Variants in KCNIP4 observed in about 807,000 individuals in gnomAD.
KCNIP4 encodes the protein potassium voltage-gated channel interacting protein 4.
In KCNIP4, 12 loss-of-function variants were observed where a neutral mutation model predicts 34.0. That is an observed-to-expected ratio of 0.35 (90% confidence interval 0.23 to 0.57). KCNIP4 has a LOEUF of 0.57. Among genes scored for constraint, KCNIP4 ranks in the 20% least tolerant of loss-of-function variants. KCNIP4 has a pLI of 0.83. For synonymous variants in KCNIP4, 124 were observed against 102.2 expected (o/e 1.21, Z -1.29); for missense variants, 238 against 311.7 (o/e 0.76, Z 1.78).
intron 1 of KCNIP4, among the ~76,000 whole-genome samples, chr4:20,951,909 G>T (rs1042136774): frequency 1.3e-5 from 2 of 152,152 alleles, no homozygotes; most frequent in Non-Finnish European, 2.9e-5. Context: ...TCTTGTTTTA[G>T]ATATAAAGTA....
chr4:21,146,322 C>T (rs1440818571), intron 1 of KCNIP4, among the ~76,000 whole-genome samples: 1 of 151,948 alleles, frequency 6.6e-6, no homozygotes, highest in Non-Finnish European at 1.5e-5. Flanking sequence ...GGGGTGAACC[C>T]GGGAGGCGGA....
intron 1 of KCNIP4, among the ~76,000 whole-genome samples, chr4:21,635,631 A>C (rs1443567103): frequency 6.6e-6 from 1 of 152,118 alleles, no homozygotes; most frequent in East Asian, 1.9e-4. Context: ...TTAAAAAGTC[A>C]GGAAACAACA....
At chr4:21,059,257 T>C (rs956222349) in intron 1 of KCNIP4, among the ~76,000 whole-genome samples, 1 of 152,172 alleles carries the variant, frequency 6.6e-6, no homozygotes, top group African/African-American at 2.4e-5. Flanking sequence ...TCCGACTTTT[T>C]CCTCTGAGCA....
At chr4:21,703,057 T>G (rs1712985357) in intron 1 of KCNIP4, among the ~76,000 whole-genome samples, 1 of 151,960 alleles carries the variant, frequency 6.6e-6, no homozygotes. Flanking sequence ...CAACACTGAT[T>G]CATGATTAAA....
At chr4:20,871,623 C>T (rs1218677379) in intron 2 of KCNIP4, among the ~76,000 whole-genome samples, 2 of 152,044 alleles carry the variant, frequency 1.3e-5, no homozygotes, top group Non-Finnish European at 2.9e-5. Flanking sequence ...TGGTGGTATT[C>T]ACCAACAAGA....
chr4:21,450,549 T>A (rs962423111), intron 1 of KCNIP4, among the ~76,000 whole-genome samples: 2 of 151,980 alleles, frequency 1.3e-5, no homozygotes, highest in Non-Finnish European at 2.9e-5. Flanking sequence ...TGAAAAAAGA[T>A]GACGAAGTAA....
At chr4:21,365,522 T>A (rs377226666) in intron 1 of KCNIP4, among the ~76,000 whole-genome samples, 1 of 113,436 alleles carries the variant, frequency 8.8e-6, no homozygotes, top group Non-Finnish European at 1.8e-5. Flanking sequence ...AATAAATAAA[T>A]AAAAAATAAA....
At position 21,768,124 on chromosome 4, in the gene KCNIP4, A is replaced by G. The variant is rs145342261; in HGVS notation, c.61+180447T>C. On this transcript the variant is annotated intron_variant, in intron 1 of 8. Coordinates refer to ENST00000382152, the MANE Select transcript of KCNIP4 (RefSeq NM_025221.6). The stretch of plus-strand genomic sequence containing the variant: ...TAAACCGCCAAGCAAGAGCTTCTAA[A>G]TTTATGATTTGTGATTAAAACAAAT... Among the ~76,000 whole-genome samples, 196 of 152,260 alleles carry G rather than the reference A, an allele frequency of 1.3e-3. 1 individual carries two copies. Among genetic ancestry groups the G allele is most frequent in the African/African-American group, 4.5e-3 (185 of 41,562 alleles).
rs201520268 is a variant in KCNIP4, at chr4:20,731,254, G to GAGAT, written c.705+748_705+751dup. The GAGAT allele has an allele frequency of 3.8e-4, 125 of 329,698 alleles. 1 individual carries two copies. In the East Asian group the frequency reaches 9.0e-3, roughly 24 times the overall value. 20.4% of individuals were successfully genotyped at this position (329,698 alleles called of 1,614,324 possible). ...CCAGCTAACTTAATTTTTTTTTGTA[G>GAGAT]AGATAGATAGGGTCTTGCTATGTTG... On this transcript the variant is annotated intron_variant, in intron 8 of 8. Coordinates refer to ENST00000382152, the MANE Select transcript of KCNIP4 (RefSeq NM_025221.6).
At chr4:21,249,875 C>T (rs1213862715) in intron 1 of KCNIP4, among the ~76,000 whole-genome samples, 3 of 152,036 alleles carry the variant, frequency 2.0e-5, no homozygotes, top group African/African-American at 4.8e-5. Flanking sequence ...CCCCTTTAAA[C>T]ATTCAATAAG....
At chr4:20,876,758 G>A (rs187478092) in intron 2 of KCNIP4, among the ~76,000 whole-genome samples, 31 of 152,208 alleles carry the variant, frequency 2.0e-4, no homozygotes, top group African/African-American at 6.5e-4. Context: ...ATTTTTAGTA[G>A]AGACAGGGTT....
At chr4:21,202,808 G>A (rs956391087) in intron 1 of KCNIP4, among the ~76,000 whole-genome samples, 3 of 152,082 alleles carry the variant, frequency 2.0e-5, no homozygotes, top group African/African-American at 7.2e-5. Flanking sequence ...TATCCTGCTG[G>A]CTGTGTCACT....
chr4:21,841,360 T>C (rs575919721), intron 1 of KCNIP4, among the ~76,000 whole-genome samples: 1 of 152,316 alleles, frequency 6.6e-6, no homozygotes, highest in Non-Finnish European at 1.5e-5. Context: ...GGTCTCTTTT[T>C]AAACACTTGT....
rs1026205658 is a variant in KCNIP4 at position 20,832,265 on chromosome 4, G to A, written c.288+18278C>T. Among the ~76,000 whole-genome samples, 18 of 152,142 alleles carry A rather than the reference G, an allele frequency of 1.2e-4. No homozygotes were observed. The South Asian group carries it at 2.5e-3, about 21-fold the overall frequency. On this transcript the variant is annotated intron_variant, in intron 3 of 8. Coordinates refer to ENST00000382152, the MANE Select transcript of KCNIP4 (RefSeq NM_025221.6). Reference sequence around the variant, plus strand: ...ATGGGACAAAGCAGAGTATGATTTCGAAAAGTATAAAGACTAAATAACTAG... The same window carrying A: ...ATGGGACAAAGCAGAGTATGATTTCAAAAAGTATAAAGACTAAATAACTAG...
intron 1 of KCNIP4, among the ~76,000 whole-genome samples, chr4:21,459,508 G>A (rs1380835701): frequency 6.6e-6 from 1 of 151,988 alleles, no homozygotes; most frequent in African/African-American, 2.4e-5. Context: ...CCAGTCTCAT[G>A]GCTTTATGAT....
At chr4:21,947,930 T>C (rs1730595550) in intron 1 of KCNIP4, among the ~76,000 whole-genome samples, 1 of 152,260 alleles carries the variant, frequency 6.6e-6, no homozygotes, top group Admixed American at 6.5e-5. Context: ...AACGCACGTT[T>C]CTCTGAAAGC....
chr4:21,089,567 A>G (rs1230883734), intron 1 of KCNIP4, among the ~76,000 whole-genome samples: 1 of 152,214 alleles, frequency 6.6e-6, no homozygotes, highest in African/African-American at 2.4e-5. Flanking sequence ...AACAATGTTG[A>G]AAAATAAGTC....
chr4:21,410,250 G>C (rs1010200738), intron 1 of KCNIP4, among the ~76,000 whole-genome samples: 2 of 152,208 alleles, frequency 1.3e-5, no homozygotes, highest in African/African-American at 4.8e-5. Context: ...TGTGATTAAA[G>C]TTGTAGTGTT....
intron 1 of KCNIP4, among the ~76,000 whole-genome samples, chr4:21,586,350 T>C (rs1033520623): frequency 6.6e-6 from 1 of 152,056 alleles, no homozygotes; most frequent in Non-Finnish European, 1.5e-5. Context: ...TCAGAATATA[T>C]GTGTTGAATA....
Sources: allele counts gnomAD v4.1 joint callset (sites outside exome capture counted in the v4.1 genomes callset), GRCh38; gene constraint gnomAD v4.1.1; transcripts MANE v1.5; gene names NCBI Gene and HGNC (gene_info 2026-07-23, HGNC 2026-07-21).